The following ANO4 variants were observed in gnomAD, a reference collection of about 807,000 sequenced individuals.
The protein encoded by ANO4 is anoctamin-4.
ANO4 carries 69 observed loss-of-function variants against 141.9 expected under a neutral mutation model. The ratio of observed to expected loss-of-function variants is 0.49; its 90% confidence interval spans 0.40 to 0.59. The LOEUF (loss-of-function observed/expected upper bound fraction) is 0.59, where lower values mean the gene tolerates loss of function less well. ANO4 is among the 20% of genes least tolerant of loss of function. ANO4 has a pLI of 0.00. For synonymous variants in ANO4, 350 were observed against 394.3 expected (o/e 0.89, Z 1.33); for missense variants, 894 against 1,162.2 (o/e 0.77, Z 3.36).
intron 14 of ANO4, among the ~76,000 whole-genome samples, chr12:101,053,150 A>G (rs1368791932): frequency 1.3e-5 from 2 of 152,232 alleles, no homozygotes; most frequent in African/African-American, 2.4e-5. Flanking sequence ...CCAATTTACA[A>G]TAGGCCAATG....
intron 8 of ANO4, among the ~76,000 whole-genome samples, chr12:101,012,547 C>T (rs942795575): frequency 6.6e-6 from 1 of 151,992 alleles, no homozygotes; most frequent in Non-Finnish European, 1.5e-5. Flanking sequence ...TGTTCAGGGT[C>T]AGAAAACAAA....
At chr12:101,052,548 T>G (rs1447192140) in intron 14 of ANO4, among the ~76,000 whole-genome samples, 5 of 152,126 alleles carry the variant, frequency 3.3e-5, no homozygotes, top group African/African-American at 1.2e-4. Flanking sequence ...TTATCCCCAG[T>G]AAACACACCA....
intron 3 of ANO4, among the ~76,000 whole-genome samples, chr12:100,778,039 C>T (rs2033587852): frequency 6.6e-6 from 1 of 151,724 alleles, no homozygotes; most frequent in Non-Finnish European, 1.5e-5. Context: ...CCTGCCTCAG[C>T]CTCCCGAGTA....
chr12:100,944,298 G>T (rs1398168910), intron 5 of ANO4, among the ~76,000 whole-genome samples: 1 of 152,134 alleles, frequency 6.6e-6, no homozygotes, highest in African/African-American at 2.4e-5. Context: ...GCACAGTACA[G>T]TGTGGAGCAT....
At chr12:100,717,742 CG>C (rs1346462987) in intron 1 of ANO4, among the ~76,000 whole-genome samples, 1 of 152,216 alleles carries the variant, frequency 6.6e-6, no homozygotes, top group African/African-American at 2.4e-5. Flanking sequence ...ACCCGGGAAC[CG>C]GGTGTCTGCG....
intron 3 of ANO4, among the ~76,000 whole-genome samples, chr12:100,927,982 A>G (rs944351246): frequency 2.0e-5 from 3 of 152,140 alleles, no homozygotes; most frequent in Non-Finnish European, 4.4e-5. Flanking sequence ...ACGTGTGTCT[A>G]CATAATCATA....
chr12:100,900,165 G>A (rs2040525209), intron 1 of ANO4, among the ~76,000 whole-genome samples: 1 of 152,032 alleles, frequency 6.6e-6, no homozygotes, highest in South Asian at 2.1e-4. Context: ...CAGGTGTCAG[G>A]AATAGTAACA....
intron 7 of ANO4, among the ~76,000 whole-genome samples, chr12:100,986,831 C>T (rs780692306): frequency 7.2e-5 from 11 of 152,092 alleles, no homozygotes; most frequent in Admixed American, 2.0e-4. Flanking sequence ...TCAGTGGAAC[C>T]GAGGGACCAG....
intron 22 of ANO4, among the ~76,000 whole-genome samples, chr12:101,108,453 C>T (rs765894694): frequency 1.3e-5 from 2 of 152,090 alleles, no homozygotes; most frequent in Non-Finnish European, 2.9e-5. Flanking sequence ...CTTTGTGCGT[C>T]GGTTTCCTTA....
chr12:100,978,876 A>G (rs1320339738), intron 7 of ANO4, among the ~76,000 whole-genome samples: 1 of 152,200 alleles, frequency 6.6e-6, no homozygotes, highest in Non-Finnish European at 1.5e-5. Flanking sequence ...ATAACTCAAC[A>G]GTAGATTTCT....
At chr12:100,840,962 A>T (rs994218280) in intron 1 of ANO4, among the ~76,000 whole-genome samples, 4 of 152,120 alleles carry the variant, frequency 2.6e-5, no homozygotes, top group African/African-American at 9.7e-5. Flanking sequence ...CCTCATCAGG[A>T]TCTTTTAGGC....
intron 25 of ANO4, among the ~76,000 whole-genome samples, chr12:101,118,853 G>A (rs1001436491): frequency 6.6e-6 from 1 of 150,520 alleles, no homozygotes; most frequent in Non-Finnish European, 1.5e-5. Flanking sequence ...ATCTCCTAAT[G>A]CTATCCCTCC....
intron 1 of ANO4, among the ~76,000 whole-genome samples, chr12:100,808,763 A>T (rs2035216615): frequency 6.6e-6 from 1 of 152,186 alleles, no homozygotes; most frequent in Non-Finnish European, 1.5e-5. Context: ...TGCATAAGTA[A>T]ATGTAATTGA....
At chr12:100,789,166 C>A (rs2033964668) in intron 3 of ANO4, among the ~76,000 whole-genome samples, 1 of 152,100 alleles carries the variant, frequency 6.6e-6, no homozygotes, top group Non-Finnish European at 1.5e-5. Flanking sequence ...TATATATACC[C>A]CATCTCATGC....
intron 1 of ANO4, among the ~76,000 whole-genome samples, chr12:100,883,468 A>G (rs1261313008): frequency 6.6e-6 from 1 of 152,278 alleles, no homozygotes; most frequent in Admixed American, 6.5e-5. Context: ...CCCAGAAGCC[A>G]TTGCTTACTG....
intron 16 of ANO4, among the ~76,000 whole-genome samples, chr12:101,085,675 G>T (rs974894617): frequency 1.3e-5 from 2 of 152,132 alleles, no homozygotes; most frequent in Non-Finnish European, 2.9e-5. Context: ...AAGAAGATAT[G>T]CTGTATTGTT....
At chr12:100,759,156 C>T (rs1469730143) in intron 3 of ANO4, among the ~76,000 whole-genome samples, 1 of 152,164 alleles carries the variant, frequency 6.6e-6, no homozygotes, top group Admixed American at 6.5e-5. Context: ...TACACAGAGA[C>T]ACATTGGACC....
chr12:101,107,850 A>C (rs1165183116), intron 22 of ANO4, among the ~76,000 whole-genome samples: 1 of 152,112 alleles, frequency 6.6e-6, no homozygotes, highest in East Asian at 1.9e-4. Flanking sequence ...CAAAAAAGTC[A>C]GTTAGAAAAT....
rs183352374 is a variant in ANO4 at position 100,939,786 on chromosome 12, G to A, written c.297+335G>A. ...GCTTCCTTGTATAGATCCCCCAGTG[G>A]GTAGAATAGTGACCTAAAATGCACC... On this transcript the variant is annotated intron_variant, in intron 4 of 27. Coordinates refer to ENST00000392977, the MANE Select transcript of ANO4 (RefSeq NM_001286615.2). 4.3e-3 allele frequency among the ~76,000 whole-genome samples: 649 copies of A among 152,200 alleles called. 4 individuals carry two copies. The highest frequency in any genetic ancestry group is 0.014 in the African/African-American group (589 of 41,520).
Sources: gnomAD v4.1 joint callset for allele counts (sites outside exome capture counted in the v4.1 genomes callset) on GRCh38, gnomAD v4.1.1 for gene constraint, MANE v1.5 for transcripts, NCBI Gene and HGNC (gene_info 2026-07-23, HGNC 2026-07-21) for gene names.